PLAGL1: variants seen among roughly 807,000 people sequenced by gnomAD.
PLAGL1 encodes the protein PLAG1 like zinc finger 1, also known as zinc finger protein PLAGL1.
In PLAGL1, 1 loss-of-function variant was observed where a neutral mutation model predicts 4.6. That is an observed-to-expected ratio of 0.22 (90% CI 0.08 to 1.03). The LOEUF (loss-of-function observed/expected upper bound fraction) is 1.03, where lower values mean the gene tolerates loss of function less well. Ranked by LOEUF, PLAGL1 falls within the 50% of genes least tolerant of loss-of-function variation. The probability of loss-of-function intolerance (pLI) is 0.58; values close to 1 mark genes in which losing one functional copy is unlikely to be tolerated. For missense variants in PLAGL1, 464 were observed against 570.4 expected (o/e 0.81, Z 1.90); for synonymous variants, 240 against 237.8 (o/e 1.01, Z -0.08).
intron 7 of PLAGL1, among the ~76,000 whole-genome samples, chr6:143,943,694 C>A (rs1403978204): frequency 2.0e-5 from 3 of 151,794 alleles, no homozygotes; most frequent in Non-Finnish European, 4.4e-5. Flanking sequence ...AGACTTTCTT[C>A]TTTAAATATG....
chr6:144,006,130 T>C lies in PLAGL1; in HGVS notation c.-584+1960A>G, dbSNP rs1244842281. 1 of 152,192 alleles carries C rather than the reference T, an allele frequency of 6.6e-6. No individual in the cohort carries two copies. Among genetic ancestry groups the C allele is most frequent in the Non-Finnish European group, 1.5e-5 (1 of 68,034 alleles). The allele number at this position is 152,192 out of a possible 1,614,324, so 9.4% of individuals were successfully genotyped here. On this transcript the variant is annotated intron_variant, in intron 1 of 7. Transcript: ENST00000674357. The surrounding 1 kb of genome is among the most constrained non-coding windows in gnomAD (Gnocchi z 4.3). ...AATACATAAAGAATAATTTAATGAA[T>C]ACTGGTATGTCCACCATGGAATTTA... is the stretch of plus-strand genomic sequence containing the variant.
chr6:143,964,202 A>T lies in PLAGL1; in HGVS notation c.-399+585T>A, dbSNP rs1010799676. Among the ~76,000 whole-genome samples, 6 of 152,284 alleles carry T rather than the reference A, an allele frequency of 3.9e-5. No individual in the cohort carries two copies. The highest frequency in any genetic ancestry group is 6.5e-5 in the Admixed American group (1 of 15,302). ...TCCTTGAGAAGACAGCTACGTGAAG[A>T]GTGTGCCTCGGGAGGCCAGACCTGA... is the stretch of plus-strand genomic sequence containing the variant. On this transcript the variant is annotated intron_variant, in intron 5 of 7. Coordinates refer to ENST00000674357, the MANE Select transcript of PLAGL1 (RefSeq NM_001317162.2). The surrounding 1 kb of genome is among the most constrained non-coding windows in gnomAD (Gnocchi z 4.3).
At chr6:144,046,263 T>G (rs1438696653) in intron 1 of PLAGL1, among the ~76,000 whole-genome samples, 1 of 152,166 alleles carries the variant, frequency 6.6e-6, no homozygotes, top group African/African-American at 2.4e-5. Context: ...GGAGAAAAGG[T>G]GCTCTGGTTT....
Position 143,940,385 on chromosome 6 carries a change from A to G in PLAGL1, c.*1039T>C, listed in dbSNP as rs1778333991. 6.6e-6 allele frequency: 1 copy of G among 152,238 alleles called. No individual in the cohort carries two copies. Among genetic ancestry groups the G allele is most frequent in the Admixed American group, 6.5e-5 (1 of 15,276 alleles). The allele number at this position is 152,238 out of a possible 1,614,324, so 9.4% of individuals were successfully genotyped here. A position where few individuals can be genotyped will look rare whatever the true frequency, so the allele number is the denominator to read the frequency against. On this transcript the variant is annotated 3_prime_UTR_variant, in exon 8 of 8. Transcript: ENST00000674357. ...ACATAAGACAATGGAGCTTTAAAAA[A>G]GGTTAGGTTTTACATCTTTAAAACT... is the stretch of plus-strand genomic sequence containing the variant.
At chr6:143,988,195 C>T (rs1430734243) in intron 1 of PLAGL1, among the ~76,000 whole-genome samples, 1 of 152,162 alleles carries the variant, frequency 6.6e-6, no homozygotes, top group African/African-American at 2.4e-5. Flanking sequence ...CTGTATGGTT[C>T]CTCAGTGGTT....
At position 143,942,356 on chromosome 6, in the gene PLAGL1, T is replaced by TTTCCTTGGTTCCGCTAGGGGGCTTCTC; in HGVS notation, c.433_459dup (p.Glu145_Glu153dup). 1 of 1,614,054 alleles carries TTTCCTTGGTTCCGCTAGGGGGCTTCTC rather than the reference T, an allele frequency of 6.2e-7. No individual in the cohort carries two copies. The highest frequency in any genetic ancestry group is 8.5e-7 in the Non-Finnish European group (1 of 1,179,992). ...TCACAGTGGTCGCACTGGTGCTTCT[T>TTTCCTTGGTTCCGCTAGGGGGCTTCTC]TTCCTTGGTTCCGCTAGGGGGCTTC... On this transcript the variant is annotated inframe_insertion, in exon 8 of 8. Coordinates refer to ENST00000674357, the MANE Select transcript of PLAGL1 (RefSeq NM_001317162.2). The surrounding 1 kb of genome is among the most constrained non-coding windows in gnomAD (Gnocchi z 7.6).
rs541176206 is a variant in PLAGL1, at chr6:144,059,772, G to T, written c.-151+4696C>A. ...CATTAATAATATTTTCCATCCCTGA[G>T]GCTGCCCTGCAAGTAAACCTGCTTT... On this transcript the variant is annotated intron_variant, in intron 1 of 3. Transcript: ENST00000437412. The surrounding 1 kb of genome is among the most constrained non-coding windows in gnomAD (Gnocchi z 4.9). Among the ~76,000 whole-genome samples the T allele has an allele frequency of 9.4e-4, 143 of 152,252 alleles. 1 individual carries two copies. Among genetic ancestry groups the T allele is most frequent in the Non-Finnish European group, 4.4e-4 (30 of 68,016 alleles).
Position 143,993,181 on chromosome 6 carries a change from G to A in PLAGL1, c.-583-8007C>T, listed in dbSNP as rs538639761. On this transcript the variant is annotated intron_variant, in intron 1 of 7. Coordinates refer to ENST00000674357, the MANE Select transcript of PLAGL1 (RefSeq NM_001317162.2). The stretch of plus-strand genomic sequence containing the variant: ...AATTAGCTGGGTGTGGTGGGTGCCT[G>A]TAATCCCAGCTACTCAGGAGGCTGG... 6.1e-4 allele frequency among the ~76,000 whole-genome samples: 93 copies of A among 151,984 alleles called. No homozygotes were observed. The Middle Eastern group carries it at 0.01, about 17-fold the overall frequency.
intron 1 of PLAGL1, among the ~76,000 whole-genome samples, chr6:144,024,987 T>G (rs1404046084): frequency 6.6e-6 from 1 of 152,070 alleles, no homozygotes; most frequent in Non-Finnish European, 1.5e-5. Context: ...GAGGCATAAC[T>G]CCCCATTCCT....
rs1174881409 is a variant in PLAGL1 at position 144,059,384 on chromosome 6, A to G, written c.-151+5084T>C. On this transcript the variant is annotated intron_variant, in intron 1 of 3. Coordinates refer to the PLAGL1 transcript ENST00000437412. The surrounding 1 kb of genome is among the most constrained non-coding windows in gnomAD (Gnocchi z 4.9). ...TGGGCCTACAATGTGACTCAGACCT[A>G]CAGGTCTTGCTAAGGTTCCTCCACC... Among the ~76,000 whole-genome samples, 1 of 152,180 alleles carries G rather than the reference A, an allele frequency of 6.6e-6. No individual in the cohort carries two copies. Among genetic ancestry groups the G allele is most frequent in the Non-Finnish European group, 1.5e-5 (1 of 68,024 alleles).
At chr6:144,003,313 A>G (rs1017778268) in intron 1 of PLAGL1, among the ~76,000 whole-genome samples, 16 of 152,184 alleles carry the variant, frequency 1.1e-4, no homozygotes, top group Admixed American at 8.5e-4. Context: ...GAGGAAAACA[A>G]AGGCAAATGT....
At position 144,015,664 on chromosome 6, in the gene PLAGL1, A is replaced by G. The variant is rs930666154; in HGVS notation, c.-150-46686T>C. On this transcript the variant is annotated intron_variant, in intron 1 of 3. Coordinates refer to the PLAGL1 transcript ENST00000437412. The surrounding 1 kb of genome is among the most constrained non-coding windows in gnomAD (Gnocchi z 4.3). ...ATTTCCCCAATGATTAATGCAAATC[A>G]AAACTACAGTGAAATACCGCTACAT... Among the ~76,000 whole-genome samples, 3 of 152,226 alleles carry G rather than the reference A, an allele frequency of 2.0e-5. No homozygotes were observed. Among genetic ancestry groups the G allele is most frequent in the African/African-American group, 7.2e-5 (3 of 41,460 alleles).
rs1788481334 is a variant in PLAGL1 at position 143,983,866 on chromosome 6, T to C, written c.-544+1269A>G. Among the ~76,000 whole-genome samples, 1 of 151,964 alleles carries C rather than the reference T, an allele frequency of 6.6e-6. No individual in the cohort carries two copies. The highest frequency in any genetic ancestry group is 6.6e-5 in the Admixed American group (1 of 15,238). Reference sequence around the variant, plus strand: ...AATGACTAGGCCCACAGTATGACTATGGGAGAAAGTTGCTAATGTGGTTTG... The same window carrying C: ...AATGACTAGGCCCACAGTATGACTACGGGAGAAAGTTGCTAATGTGGTTTG... On this transcript the variant is annotated intron_variant, in intron 2 of 7. Transcript: ENST00000674357. The surrounding 1 kb of genome is among the most constrained non-coding windows in gnomAD (Gnocchi z 6.6).
rs1797235514 is a variant in PLAGL1, at chr6:144,036,301, C to T, written c.-151+28167G>A. On this transcript the variant is annotated intron_variant, in intron 1 of 3. Coordinates refer to the PLAGL1 transcript ENST00000437412. The surrounding 1 kb of genome is among the most constrained non-coding windows in gnomAD (Gnocchi z 5.1). ...GGAAACACAAGCCTTATAACACAATCCTGAGGAAATCAGCTGTGAAATACA... is the reference window on the plus strand; with the variant it reads ...GGAAACACAAGCCTTATAACACAATTCTGAGGAAATCAGCTGTGAAATACA... 6.6e-6 allele frequency among the ~76,000 whole-genome samples: 1 copy of T among 152,172 alleles called. No individual in the cohort carries two copies. Among genetic ancestry groups the T allele is most frequent in the African/African-American group, 2.4e-5 (1 of 41,452 alleles).
Position 144,022,026 on chromosome 6 carries a change from C to T in PLAGL1, c.-151+42442G>A, listed in dbSNP as rs189660030. Among the ~76,000 whole-genome samples, 2 of 152,150 alleles carry T rather than the reference C, an allele frequency of 1.3e-5. No homozygotes were observed. Among genetic ancestry groups the T allele is most frequent in the Admixed American group, 1.3e-4 (2 of 15,276 alleles). On this transcript the variant is annotated intron_variant, in intron 1 of 3. Coordinates refer to the PLAGL1 transcript ENST00000437412. This position sits in a 1 kb window ranked among gnomAD's most constrained non-coding sequence, Gnocchi z 4.2. ...GCTTCAAAAGAGGTGATCCAACTCT[C>T]CTACCTCAGGCAGTTGCAGGGCTTT...
chr6:144,044,898 G>C lies in PLAGL1; in HGVS notation c.-151+19570C>G, dbSNP rs539141226. On this transcript the variant is annotated intron_variant, in intron 1 of 3. Transcript: ENST00000437412. ...ATATTTAGGATAGTTAGCTCTTCTT[G>C]TTGAATTGATCACTTTACCATTATG... Among the ~76,000 whole-genome samples the C allele has an allele frequency of 2.5e-4, 37 of 150,840 alleles. 1 individual carries two copies. Among genetic ancestry groups the C allele is most frequent in the Admixed American group, 1.1e-3 (17 of 15,140 alleles).
chr6:144,001,671 A>T (rs1416764008), intron 1 of PLAGL1, among the ~76,000 whole-genome samples: 3 of 152,186 alleles, frequency 2.0e-5, no homozygotes, highest in Non-Finnish European at 4.4e-5. Context: ...AAGTAACATT[A>T]CAATAAGAAA....
rs1206513727 is a variant in PLAGL1, at chr6:143,958,520, CCTGT to C, written c.-325+1945_-325+1948del. The stretch of plus-strand genomic sequence containing the variant: ...TCACTCCACTTCCTCCAGAAGCATG[CCTGT>C]CTGCCTCTCGGGACACAGGCCGTAC... On this transcript the variant is annotated intron_variant, in intron 6 of 7. Transcript: ENST00000674357. This position sits in a 1 kb window ranked among gnomAD's most constrained non-coding sequence, Gnocchi z 5.1. Among the ~76,000 whole-genome samples, 2 of 152,164 alleles carry C rather than the reference CCTGT, an allele frequency of 1.3e-5. No homozygotes were observed. Among genetic ancestry groups the C allele is most frequent in the African/African-American group, 4.8e-5 (2 of 41,448 alleles).
In PLAGL1 at chr6:143,954,306, C is replaced by CG. The variant is rs1327830876; in HGVS notation, c.-324-5847dup. ...AAAAGTAACGGGGAAAAAAAGACTA[C>CG]GGGGGGAAGGAAACTTCAAAAATAA... On this transcript the variant is annotated intron_variant, in intron 6 of 7. Transcript: ENST00000674357. The surrounding 1 kb of genome is among the most constrained non-coding windows in gnomAD (Gnocchi z 5.1). 3.3e-5 allele frequency among the ~76,000 whole-genome samples: 5 copies of CG among 152,096 alleles called. No individual in the cohort carries two copies. The highest frequency in any genetic ancestry group is 2.1e-4 in the South Asian group (1 of 4,806).
Sources: allele counts gnomAD v4.1 joint callset (sites outside exome capture counted in the v4.1 genomes callset), GRCh38; gene constraint gnomAD v4.1.1; non-coding constraint Gnocchi (gnomAD v3.1); transcripts MANE v1.5; gene names NCBI Gene and HGNC (gene_info 2026-07-23, HGNC 2026-07-21).